The following ZNF578 variants were observed in gnomAD, a reference collection of about 807,000 sequenced individuals.
ZNF578 encodes the protein Putative chemokine-related protein B42.
ZNF578 carries 8 observed loss-of-function variants against 8.3 expected under a neutral mutation model. The observed-to-expected ratio is 0.96, with a 90% CI of 0.56 to 1.74. The LOEUF is 1.74. Among genes scored for constraint, ZNF578 ranks in the 40% most tolerant of loss-of-function variants. The pLI is 0.00. For missense variants in ZNF578, 726 were observed against 707.5 expected (o/e 1.03, Z -0.30); for synonymous variants, 206 against 232.2 (o/e 0.89, Z 1.03).
chr19:52,458,167 T>C (rs1048745290), intron 2 of ZNF578: 1 of 152,604 alleles, frequency 6.6e-6, no homozygotes. Flanking sequence ...AGAGGAAATC[T>C]TTTCTGCCTG....
intron 5 of ZNF578, among the ~76,000 whole-genome samples, chr19:52,510,165 T>C (rs1054994834): frequency 1.3e-5 from 2 of 152,176 alleles, no homozygotes; most frequent in African/African-American, 4.8e-5. Context: ...ATATAGTATA[T>C]TGTGTGGTGT....
intron 5 of ZNF578, among the ~76,000 whole-genome samples, chr19:52,507,306 T>A (rs942633525): frequency 1.3e-5 from 2 of 152,124 alleles, no homozygotes; most frequent in African/African-American, 4.8e-5. Flanking sequence ...GAGAATCACT[T>A]GAACCTGGGA....
Position 52,516,081 on chromosome 19 carries a change from T to C in ZNF578, c.*3927T>C, listed in dbSNP as rs571159059. On this transcript the variant is annotated 3_prime_UTR_variant, in exon 6 of 6. Coordinates refer to ENST00000421239, the MANE Select transcript of ZNF578 (RefSeq NM_001099694.2). ...CCTCTGCCCCAGTCACATTTGCTTT[T>C]CTCTTTTCCCAAACATCAAAACCCT... 9.9e-5 allele frequency among the ~76,000 whole-genome samples: 15 copies of C among 152,186 alleles called. No individual in the cohort carries two copies. The highest frequency in any genetic ancestry group is 3.4e-4 in the African/African-American group (14 of 41,534).
rs2059472918 is a variant in ZNF578 at position 52,515,877 on chromosome 19, A to C, written c.*3723A>C. Among the ~76,000 whole-genome samples, 1 of 152,126 alleles carries C rather than the reference A, an allele frequency of 6.6e-6. No homozygotes were observed. Among genetic ancestry groups the C allele is most frequent in the Admixed American group, 6.5e-5 (1 of 15,274 alleles). Reference sequence around the variant, plus strand: ...CATCTTCAAGGCCTTTCTCTGTATGAGGACATCACAGCAAAATCTAAAGCA... The same window carrying C: ...CATCTTCAAGGCCTTTCTCTGTATGCGGACATCACAGCAAAATCTAAAGCA... On this transcript the variant is annotated 3_prime_UTR_variant, in exon 6 of 6. Coordinates refer to ENST00000421239, the MANE Select transcript of ZNF578 (RefSeq NM_001099694.2).
intron 3 of ZNF578, among the ~76,000 whole-genome samples, chr19:52,492,241 C>CG (rs1407834027): frequency 1.3e-5 from 2 of 148,588 alleles, no homozygotes; most frequent in Non-Finnish European, 3.0e-5. Flanking sequence ...GTTACTTTGT[C>CG]ACCAGGCTGG....
rs754424062 is a variant in ZNF578 at position 52,501,907 on chromosome 19, A to G, written c.62A>G (p.Gln21Arg). The G allele has an allele frequency of 8.1e-6, 13 of 1,612,804 alleles. No homozygotes were observed. The highest frequency in any genetic ancestry group is 6.6e-5 in the South Asian group (6 of 91,060). The change falls in exon 4 of 6, where the codon CAG becomes CGG. Residue 21 changes from glutamine to arginine, a missense_variant and splice_region_variant. By Grantham distance (43) the Gln-to-Arg change is conservative (BLOSUM62 1). Coordinates refer to ENST00000421239, the MANE Select transcript of ZNF578 (RefSeq NM_001099694.2). ...KGKEPGMALP[Q>R]GRLTFRDVAI... Reference sequence around the variant, plus strand: ...AAGGAGCCAGGCATGGCTCTTCCTCAGGTGAAGTGATATTCCTCTGTGGAT... The same window carrying G: ...AAGGAGCCAGGCATGGCTCTTCCTCGGGTGAAGTGATATTCCTCTGTGGAT...
In ZNF578 at chr19:52,516,326, T is replaced by C. The variant is rs2059475661; in HGVS notation, c.*4172T>C. 6.6e-6 allele frequency among the ~76,000 whole-genome samples: 1 copy of C among 152,172 alleles called. No individual in the cohort carries two copies. The highest frequency in any genetic ancestry group is 2.1e-4 in the South Asian group (1 of 4,830). On this transcript the variant is annotated 3_prime_UTR_variant, in exon 6 of 6. Coordinates refer to ENST00000421239, the MANE Select transcript of ZNF578 (RefSeq NM_001099694.2). ...TGGGGTTTCCTCAACTTTAGGTCTG[T>C]GCCCTGAAGGGGAGCTCATTCCAGC... is the stretch of plus-strand genomic sequence containing the variant.
intron 4 of ZNF578, among the ~76,000 whole-genome samples, chr19:52,502,838 A>G (rs1257738750): frequency 1.3e-5 from 2 of 152,180 alleles, no homozygotes; most frequent in African/African-American, 4.8e-5. Context: ...TCCTGGGCTC[A>G]ACTAATCCCT....
chr19:52,481,043 C>G (rs764083653), intron 2 of ZNF578, among the ~76,000 whole-genome samples: 56 of 152,020 alleles, frequency 3.7e-4, no homozygotes, highest in Non-Finnish European at 6.6e-4. Flanking sequence ...AATAAAGGCA[C>G]CGTGGTGCCT....
At chr19:52,481,847 C>G (rs1218844717) in intron 2 of ZNF578, among the ~76,000 whole-genome samples, 5 of 152,130 alleles carry the variant, frequency 3.3e-5, no homozygotes, top group Admixed American at 3.3e-4. Context: ...CCTCCTACTT[C>G]AGCCTCCCGA....
At chr19:52,500,523 C>G (rs1443806073) in intron 3 of ZNF578, among the ~76,000 whole-genome samples, 1 of 151,510 alleles carries the variant, frequency 6.6e-6, no homozygotes, top group Non-Finnish European at 1.5e-5. Flanking sequence ...TCTCCTCCCT[C>G]AGCTTCCCAA....
intron 2 of ZNF578, among the ~76,000 whole-genome samples, chr19:52,461,280 A>G (rs1296143461): frequency 6.6e-6 from 1 of 152,234 alleles, no homozygotes; most frequent in Admixed American, 6.5e-5. Context: ...AGTATTTCCA[A>G]TCACATTACA....
At chr19:52,475,548 G>C (rs555404692) in intron 2 of ZNF578, among the ~76,000 whole-genome samples, 1 of 151,834 alleles carries the variant, frequency 6.6e-6, no homozygotes, top group African/African-American at 2.4e-5. Context: ...TAGTAGAGAC[G>C]GGGTTTCACC....
At chr19:52,490,640 A>ATT (rs200893705) in intron 2 of ZNF578, among the ~76,000 whole-genome samples, 3 of 143,530 alleles carry the variant, frequency 2.1e-5, no homozygotes, top group Non-Finnish European at 1.5e-5. Context: ...TTGTATTAAC[A>ATT]TTTTTTTTTT....
At chr19:52,509,634 G>A (rs1404730741) in intron 5 of ZNF578, among the ~76,000 whole-genome samples, 1 of 152,130 alleles carries the variant, frequency 6.6e-6, no homozygotes, top group Non-Finnish European at 1.5e-5. Context: ...AGTCATAGTG[G>A]TGTGTGCCTG....
rs974895260 is a variant in ZNF578 at position 52,512,498 on chromosome 19, G to T, written c.*344G>T. On this transcript the variant is annotated 3_prime_UTR_variant, in exon 6 of 6. Transcript: ENST00000421239. ...GCAGTTCATCAGTGAACTCATACTGGAGAGAAACCTTACAAATGTCATGAC... is the reference window on the plus strand; with the variant it reads ...GCAGTTCATCAGTGAACTCATACTGTAGAGAAACCTTACAAATGTCATGAC... Among the ~76,000 whole-genome samples the T allele has an allele frequency of 1.3e-5, 2 of 152,182 alleles. No individual in the cohort carries two copies. The highest frequency in any genetic ancestry group is 4.8e-5 in the African/African-American group (2 of 41,436).
At chr19:52,464,544 CAA>C (rs2059268604) in intron 2 of ZNF578, among the ~76,000 whole-genome samples, 1 of 152,104 alleles carries the variant, frequency 6.6e-6, no homozygotes, top group African/African-American at 2.4e-5. Flanking sequence ...CTTGCATCCC[CAA>C]ATACTGAAAA....
rs1008545195 is a variant in ZNF578 at position 52,512,954 on chromosome 19, T to C, written c.*800T>C. The stretch of plus-strand genomic sequence containing the variant: ...CAGCACATTGGGAGGCCAAGGCACA[T>C]AGGTCACTTGAGGTCAAGAGTTTGA... On this transcript the variant is annotated 3_prime_UTR_variant, in exon 6 of 6. Coordinates refer to ENST00000421239, the MANE Select transcript of ZNF578 (RefSeq NM_001099694.2). Among the ~76,000 whole-genome samples the C allele has an allele frequency of 4.0e-5, 6 of 151,442 alleles. No homozygotes were observed. The highest frequency in any genetic ancestry group is 7.4e-5 in the Non-Finnish European group (5 of 67,800).
chr19:52,504,732 T>A lies in ZNF578; in HGVS notation c.141T>A (p.Ala47=). 2 of 1,614,144 alleles carry A rather than the reference T, an allele frequency of 1.2e-6. No individual in the cohort carries two copies. The highest frequency in any genetic ancestry group is 8.5e-7 in the Non-Finnish European group (1 of 1,180,026). Residue 47 remains alanine (A), a synonymous_variant, in exon 5 of 6, where the codon GCT becomes GCA. Coordinates refer to ENST00000421239, the MANE Select transcript of ZNF578 (RefSeq NM_001099694.2). ...AATTCCTGAACCCTGCGCAGAGGGCTTTGTACAGGGAAGTGATGTTGGAGA... is the reference window on the plus strand; with the variant it reads ...AATTCCTGAACCCTGCGCAGAGGGCATTGTACAGGGAAGTGATGTTGGAGA... The part of the protein sequence containing the change: ...EWKFLNPAQR[A]LYREVMLENY...
Sources: gnomAD v4.1 joint callset for allele counts (sites outside exome capture counted in the v4.1 genomes callset) on GRCh38, gnomAD v4.1.1 for gene constraint, MANE v1.5 for transcripts, NCBI Gene and HGNC (gene_info 2026-07-23, HGNC 2026-07-21) for gene names.